ABTB2: variants seen among roughly 807,000 people sequenced by gnomAD.
The protein encoded by ABTB2 is ankyrin repeat and BTB/POZ domain-containing protein 2.
A neutral mutation model predicts 104.1 loss-of-function variants in ABTB2; 56 were observed. That is an observed-to-expected ratio of 0.54 (90% CI 0.43 to 0.67). The LOEUF is 0.67. Ranked by LOEUF, ABTB2 falls within the 30% of genes least tolerant of loss-of-function variation. The pLI is 0.00. For missense variants in ABTB2, 1,279 were observed against 1,407.7 expected, an observed-to-expected ratio of 0.91 and a Z score of 1.46; for synonymous variants, 606 against 608.2, an observed-to-expected ratio of 1.00 and a Z score of 0.05.
At position 34,173,155 on chromosome 11, in the gene ABTB2, T is replaced by C. The variant is rs538872954; in HGVS notation, c.1397A>G (p.Lys466Arg). Residue 466 changes from lysine (K) to arginine (R), a missense_variant and splice_region_variant, in exon 4 of 17, where the codon AAA becomes AGA. By Grantham distance (26) the Lys-to-Arg change is conservative. Coordinates refer to ENST00000435224, the MANE Select transcript of ABTB2 (RefSeq NM_145804.3). Reference protein sequence around the residue: ...PGLDCEPRQLKPEHCFSSFRR... With the variant: ...PGLDCEPRQLRPEHCFSSFRR... ...GCCCTCCCTCCTCCCTGGTTCATACTTGAGCTGCCGAGGTTCACAGTCCAG... is the reference window on the plus strand; with the variant it reads ...GCCCTCCCTCCTCCCTGGTTCATACCTGAGCTGCCGAGGTTCACAGTCCAG... The C allele has an allele frequency of 1.2e-6, 2 of 1,613,740 alleles. No homozygotes were observed. The highest frequency in any genetic ancestry group is 4.5e-5 in the East Asian group (2 of 44,870).
chr11:34,161,214 G>T, intron 10 of ABTB2, 133 bp from the exon 11 acceptor site: 1 of 819,212 alleles, frequency 1.2e-6, no homozygotes, highest in Non-Finnish European at 1.7e-6. Context: ...GCCCCCTCCC[G>T]CCTGCCCCCT....
chr11:34,311,580 G>A (rs1291474515), intron 1 of ABTB2, among the ~76,000 whole-genome samples: 1 of 152,220 alleles, frequency 6.6e-6, no homozygotes, highest in African/African-American at 2.4e-5. Context: ...GAGAGAGGGA[G>A]AGAGAGAACA....
chr11:34,312,140 C>CAAA (rs67673538), intron 1 of ABTB2, among the ~76,000 whole-genome samples: 7 of 111,174 alleles, frequency 6.3e-5, no homozygotes, highest in Non-Finnish European at 7.7e-5. Context: ...GACTCCATCT[C>CAAA]AAAAAAAAAA....
At chr11:34,170,571 T>C (rs542544755) in intron 5 of ABTB2, among the ~76,000 whole-genome samples, 14 of 152,300 alleles carry the variant, frequency 9.2e-5, no homozygotes, top group African/African-American at 3.4e-4. Flanking sequence ...TGGCACACAA[T>C]AGGCTGTACT....
intron 1 of ABTB2, among the ~76,000 whole-genome samples, chr11:34,307,699 CT>C (rs1446021291): frequency 7.5e-6 from 1 of 133,430 alleles, no homozygotes; most frequent in Non-Finnish European, 1.5e-5. Flanking sequence ...AGGTGACTCT[CT>C]GTTTTTTTTT....
intron 1 of ABTB2, among the ~76,000 whole-genome samples, chr11:34,304,937 G>A (rs891093731): frequency 6.6e-6 from 1 of 152,206 alleles, no homozygotes; most frequent in Non-Finnish European, 1.5e-5. Flanking sequence ...CAGTTCCCAG[G>A]TGCCTGTCAG....
chr11:34,155,706 G>T (rs1012091768), intron 14 of ABTB2, among the ~76,000 whole-genome samples: 5 of 152,114 alleles, frequency 3.3e-5, no homozygotes, highest in African/African-American at 1.2e-4. Flanking sequence ...TGCCAGCCTT[G>T]TTCAGGCATC....
At chr11:34,153,163 G>A (rs1305598357) in intron 16 of ABTB2, among the ~76,000 whole-genome samples, 2 of 152,136 alleles carry the variant, frequency 1.3e-5, no homozygotes, top group South Asian at 2.1e-4. Flanking sequence ...GATGAAGGGC[G>A]GGAAAGAGCT....
At chr11:34,189,066 G>A (rs1000740592) in intron 3 of ABTB2, 4 of 152,174 alleles carry the variant, frequency 2.6e-5, no homozygotes, top group African/African-American at 4.8e-5. Context: ...ATCCCACAGC[G>A]GCTCAGAGGA....
intron 1 of ABTB2, among the ~76,000 whole-genome samples, chr11:34,323,795 C>T (rs1855033755): frequency 6.6e-6 from 1 of 151,648 alleles, no homozygotes; most frequent in Non-Finnish European, 1.5e-5. Context: ...GGAGGGCACT[C>T]AAATATTTGA....
intron 1 of ABTB2, among the ~76,000 whole-genome samples, chr11:34,279,432 A>G (rs765963336): frequency 1.3e-5 from 2 of 152,140 alleles, no homozygotes; most frequent in Non-Finnish European, 2.9e-5. Context: ...TTATAATCCT[A>G]TAAAGAGCCT....
intron 1 of ABTB2, among the ~76,000 whole-genome samples, chr11:34,341,050 C>T (rs1855256153): frequency 6.6e-6 from 1 of 152,190 alleles, no homozygotes; most frequent in East Asian, 1.9e-4. Context: ...CAGTATCTAC[C>T]TCTGCGGGAT....
intron 1 of ABTB2, among the ~76,000 whole-genome samples, chr11:34,247,564 G>A (rs1361230358): frequency 6.6e-6 from 1 of 152,220 alleles, no homozygotes; most frequent in Admixed American, 6.5e-5. Flanking sequence ...GGTGTATTAA[G>A]TGCATTTTGA....
At chr11:34,268,112 T>G (rs1017371760) in intron 1 of ABTB2, among the ~76,000 whole-genome samples, 3 of 152,168 alleles carry the variant, frequency 2.0e-5, no homozygotes, top group African/African-American at 7.2e-5. Flanking sequence ...TTAATTTTTT[T>G]TGGAGAAACA....
intron 1 of ABTB2, among the ~76,000 whole-genome samples, chr11:34,255,305 C>T (rs144603220): frequency 9.3e-4 from 141 of 152,268 alleles, no homozygotes; most frequent in African/African-American, 3.2e-3. Context: ...ATCACTTTCT[C>T]ACCTTTCCCC....
At chr11:34,301,232 C>G (rs1217112988) in intron 1 of ABTB2, among the ~76,000 whole-genome samples, 1 of 152,110 alleles carries the variant, frequency 6.6e-6, no homozygotes, top group Non-Finnish European at 1.5e-5. Context: ...GGGAGCTGCC[C>G]ACATGCTTCT....
rs12793600 is a variant in ABTB2 at position 34,356,733 on chromosome 11, T to C, written c.851A>G (p.Tyr284Cys). Residue 284 changes from tyrosine to cysteine, a missense_variant, in exon 1 of 17, where the codon TAT becomes TGT. Physicochemically the swap from Tyr to Cys is radical, Grantham distance 194. Transcript: ENST00000435224. This position sits in a 1 kb window ranked among gnomAD's most constrained non-coding sequence, Gnocchi z 4.6. ...DAELWGVLQP[Y>C]EHLICGKNAN... The stretch of plus-strand genomic sequence containing the variant: ...GTTCTTGCCGCAGATGAGATGCTCA[T>C]AGGGCTGCAAGACGCCCCAGAGCTC... 3 of 1,609,154 alleles carry C rather than the reference T, an allele frequency of 1.9e-6. No homozygotes were observed. The highest frequency in any genetic ancestry group is 2.2e-5 in the South Asian group (2 of 90,434).
chr11:34,207,536 A>G (rs1006895557), intron 1 of ABTB2, among the ~76,000 whole-genome samples: 4 of 152,216 alleles, frequency 2.6e-5, no homozygotes, highest in African/African-American at 7.2e-5. Context: ...TTCTTCCAGC[A>G]AGGGAGACAG....
At position 34,204,448 on chromosome 11, in the gene ABTB2, C is replaced by G. The variant is rs1232900476; in HGVS notation, c.1030+96G>C. On this transcript the variant is annotated intron_variant, in intron 2 of 16. Coordinates refer to ENST00000435224, the MANE Select transcript of ABTB2 (RefSeq NM_145804.3). ...CTTGGAGGAGGAGGAGGCCAGAGCA[C>G]TTGGAGGAGGAGGAGGCGAGCTCTC... is the stretch of plus-strand genomic sequence containing the variant. The G allele has an allele frequency of 1.0e-5, 15 of 1,441,874 alleles. No individual in the cohort carries two copies. The African/African-American group carries it at 2.1e-4, about 21-fold the overall frequency. 89.3% of individuals were successfully genotyped at this position (1,441,874 alleles called of 1,614,324 possible).
Sources: allele counts gnomAD v4.1 joint callset (sites outside exome capture counted in the v4.1 genomes callset), GRCh38; gene constraint gnomAD v4.1.1; non-coding constraint Gnocchi (gnomAD v3.1); transcripts MANE v1.5; gene names NCBI Gene and HGNC (gene_info 2026-07-23, HGNC 2026-07-21).